SPOCK1: variants seen among roughly 807,000 people sequenced by gnomAD.
SPOCK1 encodes testican-1.
SPOCK1 carries 23 observed loss-of-function variants against 55.3 expected under a neutral mutation model. The observed-to-expected ratio is 0.42, with a 90% CI of 0.30 to 0.59. SPOCK1 has a LOEUF of 0.59. Among genes scored for constraint, SPOCK1 ranks in the 20% least tolerant of loss-of-function variants. The pLI, the probability that SPOCK1 is intolerant of heterozygous loss-of-function variation, is 0.22. For synonymous variants in SPOCK1, 226 were observed against 221.0 expected (o/e 1.02, Z -0.20); for missense variants, 499 against 552.5 (o/e 0.90, Z 0.97).
At chr5:137,389,309 G>C (rs868513745) in intron 2 of SPOCK1, among the ~76,000 whole-genome samples, 2 of 152,180 alleles carry the variant, frequency 1.3e-5, no homozygotes, top group African/African-American at 4.8e-5. Context: ...CCTCTGTTGA[G>C]GACTGCCTGC....
rs7727013 is a variant in SPOCK1 at position 137,086,909 on chromosome 5, G to A, written c.475-19080C>T. The stretch of plus-strand genomic sequence containing the variant: ...TTAAGGGACCTAGGAAGCCAGCTGC[G>A]TCTGATGGATGGAGAAACTGAGACT... On this transcript the variant is annotated intron_variant, in intron 5 of 10. Coordinates refer to ENST00000394945, the MANE Select transcript of SPOCK1 (RefSeq NM_004598.4). Among the ~76,000 whole-genome samples, 744 of 152,192 alleles carry A rather than the reference G, an allele frequency of 4.9e-3. 7 individuals carry two copies. Among genetic ancestry groups the A allele is most frequent in the African/African-American group, 0.016 (684 of 41,506 alleles).
chr5:137,333,808 TCTGGGAGCACTAAATAGAA>T (rs1758235530), intron 2 of SPOCK1, among the ~76,000 whole-genome samples: 1 of 152,198 alleles, frequency 6.6e-6, no homozygotes, highest in Non-Finnish European at 1.5e-5. Context: ...CATAAAGATT[TCTGGGAGCACTAAATAGAA>T]GTGTGAGATT....
chr5:137,173,206 C>T (rs1429465299), intron 3 of SPOCK1, among the ~76,000 whole-genome samples: 1 of 152,026 alleles, frequency 6.6e-6, no homozygotes, highest in African/African-American at 2.4e-5. Context: ...TTTCTTGGAC[C>T]TCCAAGTCTT....
intron 4 of SPOCK1, 55 bp downstream of exon 4, chr5:137,140,525 A>C: frequency 6.9e-7 from 1 of 1,458,290 alleles, no homozygotes; most frequent in South Asian, 1.2e-5. Context: ...AAACCCTCAG[A>C]TCTGCCAGCT....
chr5:137,083,805 C>G (rs573194009), intron 5 of SPOCK1, among the ~76,000 whole-genome samples: 3 of 152,022 alleles, frequency 2.0e-5, no homozygotes, highest in Admixed American at 1.3e-4. Flanking sequence ...AAGCCTTGAG[C>G]TTGGGGAAGT....
chr5:137,255,994 T>C (rs962749251), intron 3 of SPOCK1, among the ~76,000 whole-genome samples: 3 of 152,306 alleles, frequency 2.0e-5, no homozygotes, highest in East Asian at 1.9e-4. Context: ...AAGCGGTTCC[T>C]CCTGGCCAGG....
intron 3 of SPOCK1, among the ~76,000 whole-genome samples, chr5:137,254,980 G>A (rs1756606648): frequency 6.6e-6 from 1 of 152,190 alleles, no homozygotes; most frequent in South Asian, 2.1e-4. Context: ...AACAATCAGA[G>A]TATTCCCTGA....
chr5:137,230,009 A>G (rs1022206103), intron 3 of SPOCK1, among the ~76,000 whole-genome samples: 1 of 152,156 alleles, frequency 6.6e-6, no homozygotes, highest in African/African-American at 2.4e-5. Context: ...CCTTTGGCCA[A>G]TGAAGGAAAG....
chr5:137,196,633 C>G (rs1755303477), intron 3 of SPOCK1, among the ~76,000 whole-genome samples: 1 of 152,218 alleles, frequency 6.6e-6, no homozygotes, highest in Non-Finnish European at 1.5e-5. Flanking sequence ...GGAAGCATTC[C>G]CTGACTGCCT....
chr5:137,076,433 G>A (rs1752761689), intron 5 of SPOCK1, among the ~76,000 whole-genome samples: 1 of 152,156 alleles, frequency 6.6e-6, no homozygotes, highest in African/African-American at 2.4e-5. Flanking sequence ...ATCAGAGATT[G>A]AAAGTGCATT....
intron 8 of SPOCK1, 91 bp from the exon 9 acceptor site, chr5:136,985,293 T>A: frequency 1.7e-6 from 2 of 1,208,570 alleles, no homozygotes; most frequent in South Asian, 2.4e-5. Context: ...ATGTAGACAA[T>A]GACACACCTG....
At chr5:137,183,102 C>A (rs1481667900) in intron 3 of SPOCK1, among the ~76,000 whole-genome samples, 2 of 152,140 alleles carry the variant, frequency 1.3e-5, no homozygotes, top group Non-Finnish European at 2.9e-5. Flanking sequence ...CAAACACAGG[C>A]CATTTTGTTA....
At chr5:137,182,931 G>A (rs755377161) in intron 3 of SPOCK1, among the ~76,000 whole-genome samples, 67 of 152,136 alleles carry the variant, frequency 4.4e-4, no homozygotes, top group Non-Finnish European at 7.6e-4. Context: ...ATGGGTTAGT[G>A]CAGAGCCACA....
intron 6 of SPOCK1, among the ~76,000 whole-genome samples, chr5:137,055,968 G>A (rs1464199294): frequency 6.6e-6 from 1 of 152,118 alleles, no homozygotes; most frequent in East Asian, 1.9e-4. Flanking sequence ...CGGGACCTAA[G>A]TCACCTACAA....
At chr5:137,167,972 AG>A (rs1754680219) in intron 3 of SPOCK1, among the ~76,000 whole-genome samples, 1 of 152,102 alleles carries the variant, frequency 6.6e-6, no homozygotes, top group South Asian at 2.1e-4. Flanking sequence ...GAAATAGTAA[AG>A]ATCAGAGCAT....
At chr5:137,009,822 A>G (rs1023262782) in intron 6 of SPOCK1, among the ~76,000 whole-genome samples, 1 of 152,068 alleles carries the variant, frequency 6.6e-6, no homozygotes, top group African/African-American at 2.4e-5. Flanking sequence ...TAAATCAGAC[A>G]CTCTGGGGGA....
chr5:137,037,028 G>A (rs936650739), intron 6 of SPOCK1, among the ~76,000 whole-genome samples: 9 of 151,986 alleles, frequency 5.9e-5, no homozygotes, highest in Non-Finnish European at 1.3e-4. Flanking sequence ...AGGTGCTCTC[G>A]CTCCGATAGT....
intron 6 of SPOCK1, among the ~76,000 whole-genome samples, chr5:137,013,399 T>G (rs1190190922): frequency 6.6e-6 from 1 of 152,230 alleles, no homozygotes; most frequent in Non-Finnish European, 1.5e-5. Flanking sequence ...TTGGCAAACT[T>G]TCTTTGTTGA....
chr5:137,018,281 T>G (rs1751490692), intron 6 of SPOCK1, among the ~76,000 whole-genome samples: 1 of 152,206 alleles, frequency 6.6e-6, no homozygotes, highest in African/African-American at 2.4e-5. Flanking sequence ...GTGGAAGATA[T>G]GACTAAGTGG....
Sources: gnomAD v4.1 joint callset for allele counts (sites outside exome capture counted in the v4.1 genomes callset) on GRCh38, gnomAD v4.1.1 for gene constraint, MANE v1.5 for transcripts, NCBI Gene and HGNC (gene_info 2026-07-23, HGNC 2026-07-21) for gene names.